Variants in LRRC4C observed in about 807,000 individuals in gnomAD.
The protein encoded by LRRC4C is leucine rich repeat containing 4C, also known as leucine-rich repeat-containing protein 4C.
Under a neutral mutation model 33.6 loss-of-function variants are expected in LRRC4C, and 5 were observed. The ratio of observed to expected loss-of-function variants is 0.15; its 90% CI spans 0.08 to 0.31. LRRC4C has a LOEUF of 0.31. Among genes scored for constraint, LRRC4C ranks in the 10% least tolerant of loss-of-function variants. The pLI is 1.00. For missense variants in LRRC4C, 560 were observed against 796.7 expected (o/e 0.70, Z 3.58); for synonymous variants, 329 against 302.0 (o/e 1.09, Z -0.93).
At chr11:41,240,907 A>G (rs1382951915) in intron 1 of LRRC4C, among the ~76,000 whole-genome samples, 1 of 152,128 alleles carries the variant, frequency 6.6e-6, no homozygotes, top group Non-Finnish European at 1.5e-5. Context: ...AACACAGCCA[A>G]CAAAAATGTA....
intron 1 of LRRC4C, among the ~76,000 whole-genome samples, chr11:41,332,617 T>G (rs973015632): frequency 2.0e-5 from 3 of 152,210 alleles, no homozygotes; most frequent in Non-Finnish European, 4.4e-5. Context: ...ACAAAAAGAC[T>G]GTAGTAAAAA....
chr11:40,194,735 G>A (rs1862114182), intron 5 of LRRC4C, among the ~76,000 whole-genome samples: 2 of 152,216 alleles, frequency 1.3e-5, no homozygotes, highest in East Asian at 1.9e-4. Flanking sequence ...AAACCTGCAC[G>A]TTCTGCACAT....
chr11:40,704,161 T>C (rs1946024830), intron 2 of LRRC4C, among the ~76,000 whole-genome samples: 1 of 152,158 alleles, frequency 6.6e-6, no homozygotes, highest in Admixed American at 6.5e-5. Context: ...ATAAGTAATA[T>C]GCAGATGATT....
At chr11:40,688,231 T>G (rs1439699601) in intron 2 of LRRC4C, among the ~76,000 whole-genome samples, 1 of 152,048 alleles carries the variant, frequency 6.6e-6, no homozygotes, top group Admixed American at 6.6e-5. Context: ...CAGACAGCAG[T>G]TAGGTGTGTG....
At chr11:41,123,257 TTTTG>T (rs1238922178) in intron 1 of LRRC4C, among the ~76,000 whole-genome samples, 11 of 43,340 alleles carry the variant, frequency 2.5e-4, no homozygotes, top group African/African-American at 4.2e-4. Context: ...CTGAGCTATG[TTTTG>T]TTTTTTTTTT....
intron 5 of LRRC4C, among the ~76,000 whole-genome samples, chr11:40,232,848 C>T (rs1865300282): frequency 1.3e-5 from 2 of 152,188 alleles, no homozygotes; most frequent in Non-Finnish European, 2.9e-5. Flanking sequence ...ACTGCAGACG[C>T]TTTCTGTTTT....
At position 40,558,281 on chromosome 11, in the gene LRRC4C, G is replaced by T. The variant is rs1465324203; in HGVS notation, c.-270+89861C>A. On this transcript the variant is annotated intron_variant, in intron 3 of 6. Coordinates refer to ENST00000528697, the MANE Select transcript of LRRC4C (RefSeq NM_001258419.2). ...TCAAACATTTTAGTTTACTATTTTG[G>T]AGACTACATAATTGGGCTGATCCTA... Among the ~76,000 whole-genome samples, 6 of 152,208 alleles carry T rather than the reference G, an allele frequency of 3.9e-5. No homozygotes were observed. The East Asian group carries it at 7.7e-4, about 20-fold the overall frequency.
At chr11:40,860,091 A>AAAATAAATAAAT (rs58718030) in intron 2 of LRRC4C, among the ~76,000 whole-genome samples, 10,197 of 144,066 alleles carry the variant, frequency 0.071, 502 homozygotes, top group African/African-American at 0.12. Flanking sequence ...GTCCCCCCAA[A>AAAATAAATAAAT]AAATAAATAA....
chr11:40,966,297 A>T (rs1737123034), intron 1 of LRRC4C, among the ~76,000 whole-genome samples: 1 of 152,002 alleles, frequency 6.6e-6, no homozygotes, highest in African/African-American at 2.4e-5. Flanking sequence ...GTCATTTAAG[A>T]TGCAGACTGG....
At chr11:41,459,305 T>G (rs1434098335) in intron 1 of LRRC4C, 126 bp downstream of exon 1, 1 of 151,938 alleles carries the variant, frequency 6.6e-6, no homozygotes, top group Non-Finnish European at 1.5e-5. Context: ...ACACACTGAG[T>G]TCTTCTGAGC....
At chr11:40,919,519 T>C (rs1022966136) in intron 2 of LRRC4C, among the ~76,000 whole-genome samples, 1 of 152,156 alleles carries the variant, frequency 6.6e-6, no homozygotes, top group African/African-American at 2.4e-5. Flanking sequence ...CTCTCAGCTA[T>C]TCTTTCTAAC....
chr11:41,267,831 G>A (rs1481990677), intron 1 of LRRC4C, among the ~76,000 whole-genome samples: 1 of 152,182 alleles, frequency 6.6e-6, no homozygotes, highest in African/African-American at 2.4e-5. Context: ...AGGATAAAAT[G>A]TCTAATAATG....
chr11:40,259,286 A>T (rs909182710), intron 4 of LRRC4C, among the ~76,000 whole-genome samples: 3 of 151,434 alleles, frequency 2.0e-5, no homozygotes, highest in Non-Finnish European at 4.4e-5. Context: ...AATTTGTTTG[A>T]GTTCATTGTA....
Position 40,327,077 on chromosome 11 carries a change from G to A in LRRC4C, c.-269-7356C>T, listed in dbSNP as rs144686710. ...AGATTCAAGGTTAGGACTGCTGTTA[G>A]GAAATCTTAATGCTGAATGTGGTTA... On this transcript the variant is annotated intron_variant, in intron 3 of 6. Coordinates refer to ENST00000528697, the MANE Select transcript of LRRC4C (RefSeq NM_001258419.2). Among the ~76,000 whole-genome samples, 31 of 152,340 alleles carry A rather than the reference G, an allele frequency of 2.0e-4. 1 individual carries two copies. The highest frequency in any genetic ancestry group is 7.2e-4 in the African/African-American group (30 of 41,590).
intron 1 of LRRC4C, among the ~76,000 whole-genome samples, chr11:41,248,350 A>G (rs1181758256): frequency 6.6e-6 from 1 of 152,142 alleles, no homozygotes; most frequent in Non-Finnish European, 1.5e-5. Flanking sequence ...CTGTTTACAT[A>G]CAAAGGATTC....
At chr11:40,358,368 C>A (rs2137143284) in intron 3 of LRRC4C, among the ~76,000 whole-genome samples, 1 of 152,040 alleles carries the variant, frequency 6.6e-6, no homozygotes, top group South Asian at 2.1e-4. Flanking sequence ...GCAAGCTTCA[C>A]CTCCGGGGCT....
chr11:40,803,211 C>T (rs968166377), intron 2 of LRRC4C, among the ~76,000 whole-genome samples: 86 of 152,222 alleles, frequency 5.6e-4, no homozygotes, highest in Non-Finnish European at 2.1e-4. Flanking sequence ...CAGTCCTAAG[C>T]AGTTACTATC....
At chr11:40,613,070 T>C (rs1209725354) in intron 3 of LRRC4C, among the ~76,000 whole-genome samples, 3 of 151,874 alleles carry the variant, frequency 2.0e-5, no homozygotes, top group East Asian at 1.9e-4. Flanking sequence ...CTTGCCTCAA[T>C]ATTGATGCTT....
chr11:41,249,130 A>G (rs981474287), intron 1 of LRRC4C, among the ~76,000 whole-genome samples: 1 of 150,666 alleles, frequency 6.6e-6, no homozygotes, highest in East Asian at 2.0e-4. Context: ...CACCTCCCGG[A>G]TTCATGCCAT....
Sources: allele counts gnomAD v4.1 joint callset (sites outside exome capture counted in the v4.1 genomes callset), GRCh38; gene constraint gnomAD v4.1.1; transcripts MANE v1.5; gene names NCBI Gene and HGNC (gene_info 2026-07-23, HGNC 2026-07-21).